Variants in SCAI observed in about 807,000 individuals in gnomAD.
SCAI encodes the protein protein SCAI.
SCAI carries 24 observed loss-of-function variants against 92.2 expected under a neutral mutation model. The observed-to-expected ratio is 0.26, with a 90% CI of 0.19 to 0.37. The LOEUF (loss-of-function observed/expected upper bound fraction) is 0.37. SCAI is among the 10% of genes least tolerant of loss of function. The probability of loss-of-function intolerance (pLI) is 1.00; values close to 1 mark genes in which losing one functional copy is unlikely to be tolerated. For missense variants in SCAI, 450 were observed against 736.2 expected, an observed-to-expected ratio of 0.61 and a Z score of 4.50; for synonymous variants, 261 against 258.6, an observed-to-expected ratio of 1.01 and a Z score of -0.09.
intron 14 of SCAI, among the ~76,000 whole-genome samples, chr9:124,986,691 A>G (rs528634705): frequency 1.2e-3 from 178 of 152,364 alleles, no homozygotes; most frequent in African/African-American, 4.1e-3. Context: ...AAATCCCAAT[A>G]GATTTAAGCC....
intron 17 of SCAI, among the ~76,000 whole-genome samples, chr9:124,954,829 A>T (rs879898229): frequency 6.6e-6 from 1 of 152,118 alleles, no homozygotes; most frequent in Non-Finnish European, 1.5e-5. Flanking sequence ...AAATTTGCTT[A>T]TTCTGGACAT....
intron 17 of SCAI, among the ~76,000 whole-genome samples, chr9:124,962,454 C>T (rs1831459831): frequency 6.6e-6 from 1 of 152,032 alleles, no homozygotes; most frequent in South Asian, 2.1e-4. Context: ...AGCTACTGTG[C>T]CCGGTCTGTA....
rs111709177 is a variant in SCAI, at chr9:124,983,484, C to G, written c.1327-7298G>C. Among the ~76,000 whole-genome samples, 24 of 152,312 alleles carry G rather than the reference C, an allele frequency of 1.6e-4. No homozygotes were observed. In the South Asian group the frequency reaches 4.4e-3, roughly 28 times the overall value. On this transcript the variant is annotated intron_variant, in intron 14 of 17. Coordinates refer to ENST00000336505, the MANE Select transcript of SCAI (RefSeq NM_001144877.3). ...CTCCCTGCCTCAGCCTCCCTACTAG[C>G]TGGGATTACAGGCATGTGCCACCAC... is the stretch of plus-strand genomic sequence containing the variant.
At chr9:124,983,162 T>TA (rs144047566) in intron 14 of SCAI, among the ~76,000 whole-genome samples, 2,581 of 138,714 alleles carry the variant, frequency 0.019, 90 homozygotes, top group Admixed American at 0.089. Context: ...ACCTGTCTCT[T>TA]AAAAAAAAAA....
At chr9:125,107,734 CT>C (rs1364356762) in intron 2 of SCAI, among the ~76,000 whole-genome samples, 1 of 152,202 alleles carries the variant, frequency 6.6e-6, no homozygotes, top group African/African-American at 2.4e-5. Context: ...TGCCACTGCA[CT>C]CCAGCCTCGG....
At chr9:124,996,975 T>C (rs1390879920) in intron 13 of SCAI, among the ~76,000 whole-genome samples, 1 of 152,172 alleles carries the variant, frequency 6.6e-6, no homozygotes, top group Non-Finnish European at 1.5e-5. Context: ...CTTTAAATGA[T>C]ATTTATCTTA....
At chr9:125,004,761 A>G (rs1477891186) in intron 9 of SCAI, among the ~76,000 whole-genome samples, 1 of 9,054 alleles carries the variant, frequency 1.1e-4, no homozygotes, top group African/African-American at 3.5e-4. Flanking sequence ...ATATATATAT[A>G]TATATATATA....
intron 17 of SCAI, among the ~76,000 whole-genome samples, chr9:124,963,042 A>T (rs1319366822): frequency 6.8e-6 from 1 of 146,816 alleles, no homozygotes; most frequent in African/African-American, 2.5e-5. Flanking sequence ...CAGGTGATGT[A>T]CCCTCCTCAG....
At chr9:125,088,974 C>T (rs898547818) in intron 2 of SCAI, among the ~76,000 whole-genome samples, 5 of 152,034 alleles carry the variant, frequency 3.3e-5, no homozygotes, top group South Asian at 2.1e-4. Context: ...CTTGTTTTGA[C>T]GGCTAAAAAT....
At chr9:125,014,879 G>A (rs185654729) in intron 9 of SCAI, among the ~76,000 whole-genome samples, 10 of 152,112 alleles carry the variant, frequency 6.6e-5, no homozygotes, top group Middle Eastern at 3.4e-3. Context: ...ATAACGCCAC[G>A]TATCTACAAC....
chr9:125,001,623 C>A (rs988946206), intron 12 of SCAI, among the ~76,000 whole-genome samples: 2 of 152,184 alleles, frequency 1.3e-5, no homozygotes, highest in Admixed American at 6.5e-5. Context: ...TGAAATAGAT[C>A]ATTACGCTTG....
chr9:125,052,527 G>A (rs1854274), intron 3 of SCAI, among the ~76,000 whole-genome samples: 1,877 of 152,198 alleles, frequency 0.012, 96 homozygotes, highest in Admixed American at 0.083. Flanking sequence ...ATCGCTTGGA[G>A]GCAGGAGAAT....
In SCAI at chr9:124,982,523, T is replaced by TA. The variant is rs1313048088; in HGVS notation, c.1327-6338dup. Among the ~76,000 whole-genome samples, 11 of 151,306 alleles carry TA rather than the reference T, an allele frequency of 7.3e-5. No individual in the cohort carries two copies. In the Admixed American group the frequency reaches 7.3e-4, roughly 10 times the overall value. On this transcript the variant is annotated intron_variant, in intron 14 of 17. Transcript: ENST00000336505. ...CCCATCTCTACTAAAAATAAAAAAATAAAAAAATTAGCCGGGTATGGTAAC... is the reference window on the plus strand; with the variant it reads ...CCCATCTCTACTAAAAATAAAAAAATAAAAAAAATTAGCCGGGTATGGTAAC...
chr9:125,038,050 G>A lies in SCAI; in HGVS notation c.231-8311C>T, dbSNP rs553428373. On this transcript the variant is annotated intron_variant, in intron 3 of 17. Coordinates refer to ENST00000336505, the MANE Select transcript of SCAI (RefSeq NM_001144877.3). ...GGCGGACAGATCACTTGAGCCCGGA[G>A]TTCGAGACCAGCCTGGGCAACATGG... Among the ~76,000 whole-genome samples the A allele has an allele frequency of 5.9e-5, 9 of 152,210 alleles. No individual in the cohort carries two copies. The East Asian group carries it at 1.7e-3, about 29-fold the overall frequency.
chr9:125,137,299 T>C (rs187403262), intron 2 of SCAI, among the ~76,000 whole-genome samples: 57 of 152,354 alleles, frequency 3.7e-4, no homozygotes, highest in Non-Finnish European at 6.6e-4. Flanking sequence ...TGTAGCCTCA[T>C]GATTCTGGAC....
chr9:124,997,450 G>T (rs1425649875), intron 13 of SCAI, among the ~76,000 whole-genome samples: 2 of 152,076 alleles, frequency 1.3e-5, no homozygotes, highest in African/African-American at 2.4e-5. Context: ...TCAGATAAGG[G>T]ATATTCAATA....
At chr9:125,042,923 T>G (rs1352470995) in intron 3 of SCAI, among the ~76,000 whole-genome samples, 1 of 128,706 alleles carries the variant, frequency 7.8e-6, no homozygotes, top group Admixed American at 9.6e-5. Flanking sequence ...TGGAGTGCAG[T>G]GGCATGATCT....
intron 2 of SCAI, among the ~76,000 whole-genome samples, chr9:125,107,556 A>G (rs982456280): frequency 2.6e-5 from 4 of 152,206 alleles, no homozygotes; most frequent in Non-Finnish European, 5.9e-5. Flanking sequence ...ACTTGAGCCC[A>G]GGAATTCAAG....
intron 2 of SCAI, among the ~76,000 whole-genome samples, chr9:125,067,517 AT>A (rs1201912298): frequency 3.3e-5 from 5 of 152,168 alleles, no homozygotes; most frequent in Non-Finnish European, 7.3e-5. Flanking sequence ...AACGCCAAGG[AT>A]TGCTGGCAAC....
Sources: gnomAD v4.1 joint callset for allele counts (sites outside exome capture counted in the v4.1 genomes callset) on GRCh38, gnomAD v4.1.1 for gene constraint, MANE v1.5 for transcripts, NCBI Gene and HGNC (gene_info 2026-07-23, HGNC 2026-07-21) for gene names.